Variants in GRAMD4 observed in about 807,000 individuals in gnomAD.
GRAMD4 encodes GRAM domain-containing protein 4.
A neutral mutation model predicts 83.9 loss-of-function variants in GRAMD4; 25 were observed. That is an observed-to-expected ratio of 0.30 (90% CI 0.22 to 0.42). The LOEUF is 0.42. GRAMD4 is among the 10% of genes least tolerant of loss of function. GRAMD4 has a pLI of 1.00. For synonymous variants in GRAMD4, 336 were observed against 320.9 expected, an observed-to-expected ratio of 1.05 and a Z score of -0.50; for missense variants, 593 against 788.7, an observed-to-expected ratio of 0.75 and a Z score of 2.97.
At chr22:46,664,163 T>A in intron 8 of GRAMD4, 46 bp downstream of exon 8, 1 of 1,359,676 alleles carries the variant, frequency 7.4e-7, no homozygotes, top group Non-Finnish European at 1.1e-6. Context: ...GGGATGTGCC[T>A]GCCAGCATTC....
intron 1 of GRAMD4, among the ~76,000 whole-genome samples, chr22:46,599,022 G>A (rs770509904): frequency 3.9e-4 from 59 of 152,136 alleles, no homozygotes; most frequent in Non-Finnish European, 1.6e-4. Context: ...CAGCACCCCC[G>A]GAGGAGGATG....
chr22:46,626,680 C>T, intron 1 of GRAMD4, 71 bp from the exon 2 acceptor site: 2 of 954,770 alleles, frequency 2.1e-6, no homozygotes, highest in Middle Eastern at 2.5e-4. Context: ...CGGCTGTGCC[C>T]TGTGTGTGGG....
chr22:46,608,657 C>A (rs888220757), intron 1 of GRAMD4, among the ~76,000 whole-genome samples: 1 of 152,052 alleles, frequency 6.6e-6, no homozygotes, highest in Admixed American at 6.6e-5. Flanking sequence ...ACAGCCTGGG[C>A]GACAAGAGCG....
At position 46,673,743 on chromosome 22, in the gene GRAMD4, G is replaced by A. The variant is rs767243912; in HGVS notation, c.1313G>A (p.Arg438His). Reference sequence around the variant, plus strand: ...CTGGGTAAAGAGGAGGACGCCGGTCGCTTCCACAGCACCAAGAAGGGCAAT... The same window carrying A: ...CTGGGTAAAGAGGAGGACGCCGGTCACTTCCACAGCACCAAGAAGGGCAAT... ...AGLGKEEDAGRFHSTKKGNFH... is the reference protein window; with the variant it reads ...AGLGKEEDAGHFHSTKKGNFH... The change falls in exon 15 of 19, where the codon CGC becomes CAC. Residue 438 changes from arginine to histidine, a missense_variant. Physicochemically the swap from Arg to His is conservative, Grantham distance 29. Transcript: ENST00000406902. 7 of 1,612,962 alleles carry A rather than the reference G, an allele frequency of 4.3e-6. No homozygotes were observed. The highest frequency in any genetic ancestry group is 2.2e-5 in the East Asian group (1 of 44,874).
chr22:46,578,319 G>C (rs1198594018), intron 1 of GRAMD4, among the ~76,000 whole-genome samples: 1 of 152,144 alleles, frequency 6.6e-6, no homozygotes, highest in East Asian at 1.9e-4. Flanking sequence ...CAGGGTCAGG[G>C]CTCTGTTGCC....
intron 1 of GRAMD4, among the ~76,000 whole-genome samples, chr22:46,591,299 C>T (rs1358074319): frequency 1.3e-5 from 2 of 152,142 alleles, no homozygotes; most frequent in Non-Finnish European, 2.9e-5. Context: ...GGGAGGATTG[C>T]GTGAGCTCAG....
rs1047101226 is a variant in GRAMD4, at chr22:46,620,538, T to C, written c.-77T>C. On this transcript the variant is annotated 5_prime_UTR_variant, in exon 1 of 19. Coordinates refer to ENST00000406902, the MANE Select transcript of GRAMD4 (RefSeq NM_015124.5). This position sits in a 1 kb window ranked among gnomAD's most constrained non-coding sequence, Gnocchi z 4.7. ...CTGAAGGAGCCACAGTGAAAGAGTG[T>C]TTCTGGATGTATCTGAGACAGACGG... The C allele has an allele frequency of 2.2e-5, 21 of 976,084 alleles. No individual in the cohort carries two copies. The African/African-American group carries it at 3.8e-4, about 18-fold the overall frequency. The allele number at this position is 976,084 out of a possible 1,614,324, so 60.5% of individuals were successfully genotyped here.
chr22:46,606,964 G>A (rs2081371654), intron 1 of GRAMD4, among the ~76,000 whole-genome samples: 1 of 152,162 alleles, frequency 6.6e-6, no homozygotes, highest in East Asian at 1.9e-4. Flanking sequence ...CTGGCCCCCT[G>A]TATGGCTATG....
At chr22:46,616,399 G>C (rs1257634461), upstream of GRAMD4, among the ~76,000 whole-genome samples, 6 of 95,524 alleles carry the variant, frequency 6.3e-5, 2 homozygotes, top group South Asian at 8.7e-4. Flanking sequence ...TGTGCGTGTA[G>C]GTTCCCCTGT....
chr22:46,577,038 G>T, upstream of GRAMD4: 1 of 146,398 alleles, frequency 6.8e-6, no homozygotes, highest in South Asian at 2.0e-4. Flanking sequence ...GCCCCTTTAA[G>T]GTGCGGCGCG....
chr22:46,600,937 A>T (rs138222130), intron 1 of GRAMD4, among the ~76,000 whole-genome samples: 2,955 of 152,220 alleles, frequency 0.019, 40 homozygotes, highest in Non-Finnish European at 0.032. Flanking sequence ...CAAGGTCAGG[A>T]GTTCAAGACC....
chr22:46,636,592 G>C (rs1033272655), intron 2 of GRAMD4, among the ~76,000 whole-genome samples: 1 of 152,250 alleles, frequency 6.6e-6, no homozygotes. Flanking sequence ...TGTTGAAGCC[G>C]CACACCTGTT....
At chr22:46,630,246 G>A (rs1274969121) in intron 2 of GRAMD4, among the ~76,000 whole-genome samples, 2 of 151,994 alleles carry the variant, frequency 1.3e-5, no homozygotes, top group Non-Finnish European at 2.9e-5. Flanking sequence ...GGCTGTTCTC[G>A]AACTCCTGAG....
At chr22:46,626,603 G>A (rs2081663639) in intron 1 of GRAMD4, 148 bp from the exon 2 acceptor site, 1 of 565,332 alleles carries the variant, frequency 1.8e-6, no homozygotes, top group African/African-American at 2.2e-5. Flanking sequence ...GGGGCTTGGA[G>A]GTGTGTGTGG....
intron 1 of GRAMD4, among the ~76,000 whole-genome samples, chr22:46,597,001 C>A (rs12484110): frequency 0.23 from 35,126 of 152,174 alleles, 5,350 homozygotes; most frequent in East Asian, 0.55. Flanking sequence ...CCCTTCTCAG[C>A]GTCCATCCAT....
At chr22:46,596,788 T>G (rs1354605584) in intron 1 of GRAMD4, among the ~76,000 whole-genome samples, 1 of 152,194 alleles carries the variant, frequency 6.6e-6, no homozygotes, top group Non-Finnish European at 1.5e-5. Flanking sequence ...TGACCTCAGG[T>G]AATCCATTGG....
At chr22:46,680,666 C>T, downstream of GRAMD4, among the ~76,000 whole-genome samples, 1 of 141,764 alleles carries the variant, frequency 7.1e-6, no homozygotes. Context: ...ACCCACTCAT[C>T]CATCAATCCA....
chr22:46,581,737 C>A (rs187387372), intron 1 of GRAMD4, among the ~76,000 whole-genome samples: 1 of 152,216 alleles, frequency 6.6e-6, no homozygotes, highest in Non-Finnish European at 1.5e-5. Context: ...CACAGAGCCA[C>A]AGGTTGCTGC....
chr22:46,590,837 G>A (rs2081200064), intron 1 of GRAMD4, among the ~76,000 whole-genome samples: 1 of 152,206 alleles, frequency 6.6e-6, no homozygotes, highest in African/African-American at 2.4e-5. Context: ...GAGGCAGGTG[G>A]ATTGTCTGTG....
Sources: gnomAD v4.1 joint callset for allele counts (sites outside exome capture counted in the v4.1 genomes callset) on GRCh38, gnomAD v4.1.1 for gene constraint, Gnocchi (gnomAD v3.1) non-coding constraint, MANE v1.5 for transcripts, NCBI Gene and HGNC (gene_info 2026-07-23, HGNC 2026-07-21) for gene names.